The following SALL4 variants were observed in gnomAD, a reference collection of about 807,000 sequenced individuals.
The protein encoded by SALL4 is sal-like protein 4.
In SALL4, 4 loss-of-function variants were observed where a neutral mutation model predicts 60.8. That is an observed-to-expected ratio of 0.07 (90% confidence interval 0.03 to 0.15). The LOEUF is 0.15. Ranked by LOEUF, SALL4 falls within the 10% of genes least tolerant of loss-of-function variation. The pLI is 1.00. For synonymous variants in SALL4, 580 were observed against 574.9 expected (o/e 1.01, Z -0.13); for missense variants, 1,178 against 1,394.7 (o/e 0.84, Z 2.48).
intron 1 of SALL4, chr20:51,792,632 T>C: frequency 1.7e-6 from 1 of 572,734 alleles, no homozygotes; most frequent in Non-Finnish European, 2.6e-6. Flanking sequence ...GAGGTTGCAG[T>C]GAGCTGAGAT....
Position 51,788,586 on chromosome 20 carries a change from G to A in SALL4, c.2742+275C>T, listed in dbSNP as rs2078009428. Among the ~76,000 whole-genome samples the A allele has an allele frequency of 6.6e-6, 1 of 152,166 alleles. No homozygotes were observed. The highest frequency in any genetic ancestry group is 2.4e-5 in the African/African-American group (1 of 41,440). ...GACGCCTGTAGTCCCAGCTACTCAG[G>A]AGGCTGAGGCAGGAGAATGGCATGA... On this transcript the variant is annotated intron_variant, in intron 3 of 3. Transcript: ENST00000217086. The surrounding 1 kb of genome is among the most constrained non-coding windows in gnomAD (Gnocchi z 4.1).
At chr20:51,799,086 C>T (rs1375469616) in intron 1 of SALL4, among the ~76,000 whole-genome samples, 3 of 152,182 alleles carry the variant, frequency 2.0e-5, no homozygotes, top group African/African-American at 7.2e-5. Context: ...CAGCACACTG[C>T]CATTTCTGCT....
chr20:51,796,206 A>AAG (rs2078078406), intron 1 of SALL4, among the ~76,000 whole-genome samples: 1 of 150,472 alleles, frequency 6.6e-6, no homozygotes, highest in Non-Finnish European at 1.5e-5. Context: ...CAAAAAAAAA[A>AAG]AAAAAAAGAA....
chr20:51,794,923 A>G (rs956918062), intron 1 of SALL4, among the ~76,000 whole-genome samples: 6 of 152,070 alleles, frequency 3.9e-5, no homozygotes, highest in Non-Finnish European at 8.8e-5. Context: ...TTCCTCTCAC[A>G]GAGATGTTAA....
Position 51,783,079 on chromosome 20 carries a change from T to C in SALL4, c.*1186A>G, listed in dbSNP as rs1256950349. ...GGAAATTCAACAAAAGCAATCAGTA[T>C]GTGAACCTGTGATGGGAAACACGCC... On this transcript the variant is annotated 3_prime_UTR_variant, in exon 4 of 4. Transcript: ENST00000217086. 1.3e-5 allele frequency: 2 copies of C among 152,202 alleles called. No homozygotes were observed. Among genetic ancestry groups the C allele is most frequent in the Non-Finnish European group, 2.9e-5 (2 of 68,036 alleles). The allele number at this position is 152,202 out of a possible 1,614,324, so 9.4% of individuals were successfully genotyped here. A position where few individuals can be genotyped will look rare whatever the true frequency, so the allele number is the denominator to read the frequency against.
chr20:51,794,435 C>A (rs1230046599), intron 1 of SALL4, among the ~76,000 whole-genome samples: 1 of 152,146 alleles, frequency 6.6e-6, no homozygotes, highest in Non-Finnish European at 1.5e-5. Context: ...TGCCTAATCC[C>A]AGCTACTCAG....
chr20:51,799,582 A>C (rs1045991527), intron 1 of SALL4, among the ~76,000 whole-genome samples: 1 of 152,212 alleles, frequency 6.6e-6, no homozygotes, highest in Non-Finnish European at 1.5e-5. Flanking sequence ...TTCTCTCCCT[A>C]TGGGAAACCC....
At position 51,791,990 on chromosome 20, in the gene SALL4, G is replaced by A; in HGVS notation, c.493C>T (p.Pro165Ser). The change falls in exon 2 of 4, where the codon CCC becomes TCC. Residue 165 changes from proline to serine, a missense_variant. Pro to Ser is a moderately conservative substitution (Grantham distance 74). Transcript: ENST00000217086. This position sits in a 1 kb window ranked among gnomAD's most constrained non-coding sequence, Gnocchi z 4.6. The part of the protein sequence containing the change: ...LKTETALPPT[P>S]QDISYLAKGK... ...TTGGCTAAATAGCTTATGTCCTGGG[G>A]GGTGGGTGGCAGGGCTGTCTCTGTC... The A allele has an allele frequency of 6.2e-7, 1 of 1,614,170 alleles. No individual in the cohort carries two copies. The highest frequency in any genetic ancestry group is 8.5e-7 in the Non-Finnish European group (1 of 1,180,026).
In SALL4 at chr20:51,790,297, G is replaced by A. The variant is rs753135483; in HGVS notation, c.2186C>T (p.Ser729Phe). The change falls in exon 2 of 4, where the codon TCC (serine) becomes TTC (phenylalanine). Residue 729 changes from serine to phenylalanine, a missense_variant. Transcript: ENST00000217086. This position sits in a 1 kb window ranked among gnomAD's most constrained non-coding sequence, Gnocchi z 5.5. ...ACCCACTTTCCCTGGGGCATCTAAG[G>A]AAGCCATCATGGCAAACCCTAGCGT... The part of the protein sequence containing the change: ...SPTLGFAMMA[S>F]LDAPGKVGPA... The A allele has an allele frequency of 1.2e-6, 2 of 1,614,182 alleles. No homozygotes were observed. Among genetic ancestry groups the A allele is most frequent in the Non-Finnish European group, 1.7e-6 (2 of 1,180,034 alleles).
At position 51,782,550 on chromosome 20, in the gene SALL4, C is replaced by CAAAAA. The variant is rs35289382; in HGVS notation, c.*1710_*1714dup. 2.5e-4 allele frequency: 14 copies of CAAAAA among 56,286 alleles called. No homozygotes were observed. The highest frequency in any genetic ancestry group is 4.5e-4 in the Non-Finnish European group (12 of 26,644). 3.5% of individuals were successfully genotyped at this position (56,286 alleles called of 1,614,324 possible). ...TTCCAGAAGGAAAGGCACAACTTGG[C>CAAAAA]AAAAAAAAAAAAAAAAAAAAAAAAG... is the stretch of plus-strand genomic sequence containing the variant. On this transcript the variant is annotated 3_prime_UTR_variant, in exon 4 of 4. Coordinates refer to ENST00000217086, the MANE Select transcript of SALL4 (RefSeq NM_020436.5).
chr20:51,798,807 A>G (rs1328668169), intron 1 of SALL4, among the ~76,000 whole-genome samples: 7 of 152,056 alleles, frequency 4.6e-5, no homozygotes, highest in African/African-American at 1.7e-4. Context: ...ATCTCATCAC[A>G]TCACCAACTG....
At position 51,788,581 on chromosome 20, in the gene SALL4, C is replaced by T. The variant is rs1302954873; in HGVS notation, c.2742+280G>A. On this transcript the variant is annotated intron_variant, in intron 3 of 3. Transcript: ENST00000217086. The surrounding 1 kb of genome is among the most constrained non-coding windows in gnomAD (Gnocchi z 4.1). ...TGGCGGACGCCTGTAGTCCCAGCTA[C>T]TCAGGAGGCTGAGGCAGGAGAATGG... 6.6e-6 allele frequency among the ~76,000 whole-genome samples: 1 copy of T among 152,122 alleles called. No homozygotes were observed. Among genetic ancestry groups the T allele is most frequent in the African/African-American group, 2.4e-5 (1 of 41,404 alleles).
intron 1 of SALL4, chr20:51,797,641 A>G (rs890503867): frequency 6.6e-6 from 1 of 152,138 alleles, no homozygotes; most frequent in Non-Finnish European, 1.5e-5. Context: ...GTTAACCAAA[A>G]AGGAAAAAAA....
In SALL4 at chr20:51,790,542, C is replaced by A; in HGVS notation, c.1941G>T (p.Met647Ile). The change falls in exon 2 of 4, where the codon ATG becomes ATT. Residue 647 changes from methionine (M) to isoleucine (I), a missense_variant. Met to Ile is a conservative substitution (Grantham distance 10). This residue lies in a region of SALL4 where 853 missense variants were observed against 1,036.8 expected (regional missense o/e 0.82). Transcript: ENST00000217086. The surrounding 1 kb of genome is among the most constrained non-coding windows in gnomAD (Gnocchi z 5.5). ...TGTTGGGAATCTGACCGCCCATGTG[C>A]ATCCGAATATGTTGCTGCAGCATCA... ...NAVMLQQHIRMHMGGQIPNTP... is the reference protein window; with the variant it reads ...NAVMLQQHIRIHMGGQIPNTP... The A allele has an allele frequency of 6.2e-7, 1 of 1,614,168 alleles. No homozygotes were observed. The highest frequency in any genetic ancestry group is 2.2e-5 in the East Asian group (1 of 44,884).
At position 51,801,330 on chromosome 20, in the gene SALL4, T is replaced by C. The variant is rs1462736194; in HGVS notation, c.130+949A>G. Reference sequence around the variant, plus strand: ...GCTGGCCGCGGAAGCGTGGGCCAGGTCAGCCGCGGGAGTTCGCTCTGGCCC... The same window carrying C: ...GCTGGCCGCGGAAGCGTGGGCCAGGCCAGCCGCGGGAGTTCGCTCTGGCCC... On this transcript the variant is annotated intron_variant, in intron 1 of 3. Transcript: ENST00000217086. This position sits in a 1 kb window ranked among gnomAD's most constrained non-coding sequence, Gnocchi z 5.2. 1.3e-5 allele frequency among the ~76,000 whole-genome samples: 2 copies of C among 152,240 alleles called. No homozygotes were observed. Among genetic ancestry groups the C allele is most frequent in the East Asian group, 3.9e-4 (2 of 5,142 alleles).
chr20:51,787,440 T>C (rs1015018373), intron 3 of SALL4, among the ~76,000 whole-genome samples: 1 of 152,110 alleles, frequency 6.6e-6, no homozygotes, highest in African/African-American at 2.4e-5. Context: ...GCAGCTGACA[T>C]CTAAATATAG....
chr20:51,786,090 T>TTTG (rs2077990433), intron 3 of SALL4, among the ~76,000 whole-genome samples: 1 of 7,476 alleles, frequency 1.3e-4, no homozygotes, highest in Non-Finnish European at 2.6e-4. Context: ...CAGCTAATTG[T>TTTG]TTTTTTTTTT....
chr20:51,789,595 G>C (rs2078019713), intron 2 of SALL4, among the ~76,000 whole-genome samples: 1 of 152,010 alleles, frequency 6.6e-6, no homozygotes, highest in South Asian at 2.1e-4. Context: ...TCAGGCAGTG[G>C]GGCCTCAGAG....
At position 51,801,609 on chromosome 20, in the gene SALL4, T is replaced by G. The variant is rs556850361; in HGVS notation, c.130+670A>C. On this transcript the variant is annotated intron_variant, in intron 1 of 3. Transcript: ENST00000217086. This position sits in a 1 kb window ranked among gnomAD's most constrained non-coding sequence, Gnocchi z 5.2. The stretch of plus-strand genomic sequence containing the variant: ...CGCAGCCCGGGCAGAAAAGGCGAAA[T>G]CCAGAAAAGAAAAAAATTTTAAAGG... The G allele has an allele frequency of 5.9e-5, 9 of 152,026 alleles. No homozygotes were observed. Among genetic ancestry groups the G allele is most frequent in the African/African-American group, 2.2e-4 (9 of 41,274 alleles). The allele number at this position is 152,026 out of a possible 1,614,324, so 9.4% of individuals were successfully genotyped here. A position where few individuals can be genotyped will look rare whatever the true frequency, so the allele number is the denominator to read the frequency against.
Sources: gnomAD v4.1 joint callset for allele counts (sites outside exome capture counted in the v4.1 genomes callset) on GRCh38, gnomAD v4.1.1 for gene constraint, gnomAD v4.1.1 regional missense constraint, Gnocchi (gnomAD v3.1) non-coding constraint, MANE v1.5 for transcripts, NCBI Gene and HGNC (gene_info 2026-07-23, HGNC 2026-07-21) for gene names.